Variants in HMBOX1 observed in about 807,000 individuals in gnomAD.
The protein encoded by HMBOX1 is homeobox containing 1, also known as homeobox-containing protein 1.
A neutral mutation model predicts 54.5 loss-of-function variants in HMBOX1; 14 were observed. That is an observed-to-expected ratio of 0.26 (90% CI 0.17 to 0.40). The LOEUF is 0.40. Ranked by LOEUF, HMBOX1 falls within the 10% of genes least tolerant of loss-of-function variation. The probability of loss-of-function intolerance (pLI) is 1.00; values close to 1 mark genes in which losing one functional copy is unlikely to be tolerated. For missense variants in HMBOX1, 332 were observed against 514.4 expected (o/e 0.65, Z 3.43); for synonymous variants, 160 against 181.0 (o/e 0.88, Z 0.93).
rs140115116 is a variant in HMBOX1, at chr8:29,039,912, G to T, written c.852-5449G>T. Among the ~76,000 whole-genome samples, 349 of 152,272 alleles carry T rather than the reference G, an allele frequency of 2.3e-3. 2 individuals carry two copies. Among genetic ancestry groups the T allele is most frequent in the Admixed American group, 3.5e-3 (53 of 15,290 alleles). ...AGCACTATCTCAGGCAAACCAGGGT[G>T]TATGACCACCCTTATGTAAGCCCTA... is the stretch of plus-strand genomic sequence containing the variant. On this transcript the variant is annotated intron_variant, in intron 6 of 9. Transcript: ENST00000287701.
chr8:28,916,425 A>C (rs991941001), intron 1 of HMBOX1, among the ~76,000 whole-genome samples: 5 of 152,136 alleles, frequency 3.3e-5, no homozygotes, highest in Non-Finnish European at 7.3e-5. Flanking sequence ...TTTGTTCTAG[A>C]AGTTTTATAT....
chr8:28,954,832 A>G (rs1586061525), intron 1 of HMBOX1, among the ~76,000 whole-genome samples: 1 of 152,268 alleles, frequency 6.6e-6, no homozygotes, highest in East Asian at 1.9e-4. Flanking sequence ...GGGGTGGGAG[A>G]CCAGCTTACC....
chr8:29,039,169 G>C (rs1804433511), intron 6 of HMBOX1, among the ~76,000 whole-genome samples: 1 of 152,066 alleles, frequency 6.6e-6, no homozygotes, highest in East Asian at 1.9e-4. Flanking sequence ...TTACATACCT[G>C]TATCTCCTGG....
chr8:28,998,145 T>C (rs1038891790), intron 4 of HMBOX1, among the ~76,000 whole-genome samples: 8 of 152,232 alleles, frequency 5.3e-5, no homozygotes, highest in Admixed American at 1.3e-4. Context: ...AGTTTTTTCC[T>C]ACAATTATGT....
intron 8 of HMBOX1, 98 bp from the exon 9 acceptor site, chr8:29,048,856 C>A: frequency 1.3e-6 from 1 of 775,878 alleles, no homozygotes; most frequent in Non-Finnish European, 2.1e-6. Flanking sequence ...TGTTTAATTA[C>A]ATTCTAATTA....
At chr8:28,986,864 T>TC (rs1830241518) in intron 4 of HMBOX1, among the ~76,000 whole-genome samples, 1 of 152,140 alleles carries the variant, frequency 6.6e-6, no homozygotes, top group Non-Finnish European at 1.5e-5. Context: ...TACTTTTTTT[T>TC]CCCCTCAGGA....
chr8:29,047,562 CT>C (rs1245416126), intron 8 of HMBOX1, 109 bp downstream of exon 8: 5 of 414,482 alleles, frequency 1.2e-5, no homozygotes, highest in African/African-American at 9.4e-5. Context: ...ATCCTAACTT[CT>C]CTTTTTTTTT....
chr8:28,993,861 G>A (rs1314293689), intron 4 of HMBOX1, among the ~76,000 whole-genome samples: 2 of 152,018 alleles, frequency 1.3e-5, no homozygotes, highest in African/African-American at 2.4e-5. Context: ...GAATAACTAA[G>A]AGATTGTTTA....
chr8:29,032,548 A>G (rs998231395), intron 6 of HMBOX1, among the ~76,000 whole-genome samples: 2 of 152,178 alleles, frequency 1.3e-5, no homozygotes, highest in African/African-American at 4.8e-5. Flanking sequence ...TCTTTAACTG[A>G]CTTCTATTAT....
chr8:28,962,029 C>T lies in HMBOX1; in HGVS notation c.-57-1782C>T, dbSNP rs1276832759. Among the ~76,000 whole-genome samples, 7 of 151,496 alleles carry T rather than the reference C, an allele frequency of 4.6e-5. No homozygotes were observed. In the East Asian group the frequency reaches 5.8e-4, roughly 13 times the overall value. ...CCTCAAGTAATCCTCCTGCCTCAAC[C>T]TCCTAAGTAGCTGGGATTACAGGTG... On this transcript the variant is annotated intron_variant, in intron 1 of 9. Coordinates refer to ENST00000287701, the MANE Select transcript of HMBOX1 (RefSeq NM_001135726.3).
At chr8:28,909,101 A>G (rs1158651947) in intron 1 of HMBOX1, among the ~76,000 whole-genome samples, 1 of 152,036 alleles carries the variant, frequency 6.6e-6, no homozygotes, top group Non-Finnish European at 1.5e-5. Context: ...TCTCTAAAAA[A>G]AAAAAAAAAA....
intron 1 of HMBOX1, among the ~76,000 whole-genome samples, chr8:28,907,160 A>G (rs1814500148): frequency 6.6e-6 from 1 of 152,230 alleles, no homozygotes. Flanking sequence ...GTAACCTTTT[A>G]AGGCAGTGTA....
At chr8:29,037,353 A>G (rs979101617) in intron 6 of HMBOX1, among the ~76,000 whole-genome samples, 3 of 152,188 alleles carry the variant, frequency 2.0e-5, no homozygotes, top group Admixed American at 2.0e-4. Context: ...ATTATTTAAG[A>G]ATAATTTTAA....
At chr8:28,956,665 AT>A (rs1194297025) in intron 1 of HMBOX1, among the ~76,000 whole-genome samples, 2 of 152,050 alleles carry the variant, frequency 1.3e-5, no homozygotes, top group African/African-American at 4.8e-5. Context: ...TGTCCTGCTC[AT>A]TTGTGTGTGC....
chr8:29,045,124 T>A (rs1370804117), intron 6 of HMBOX1, among the ~76,000 whole-genome samples: 1 of 152,192 alleles, frequency 6.6e-6, no homozygotes. Flanking sequence ...TAAATAAAAT[T>A]CAAATTCCAT....
intron 3 of HMBOX1, 43 bp from the exon 4 acceptor site, chr8:28,980,028 A>G (rs774733123): frequency 2.0e-5 from 28 of 1,389,958 alleles, no homozygotes; most frequent in South Asian, 1.3e-4. Context: ...GAGGATTTCT[A>G]CCTTCAACAT....
chr8:29,010,451 G>A (rs1253598727), intron 5 of HMBOX1, among the ~76,000 whole-genome samples: 1 of 152,072 alleles, frequency 6.6e-6, no homozygotes, highest in Non-Finnish European at 1.5e-5. Flanking sequence ...AGCTACTCGG[G>A]AGGTTAAGGC....
At chr8:28,896,708 A>C (rs949332282) in intron 1 of HMBOX1, among the ~76,000 whole-genome samples, 1 of 123,908 alleles carries the variant, frequency 8.1e-6, no homozygotes, top group African/African-American at 2.6e-5. Context: ...ATACAGTAAC[A>C]TGCTGTACAG....
chr8:28,890,929 C>T (rs1406389450), intron 1 of HMBOX1: 2 of 152,194 alleles, frequency 1.3e-5, no homozygotes, highest in Non-Finnish European at 2.9e-5. Context: ...CCCCCCAACT[C>T]TTCTGGTTTC....
Sources: gnomAD v4.1 joint callset for allele counts (sites outside exome capture counted in the v4.1 genomes callset) on GRCh38, gnomAD v4.1.1 for gene constraint, MANE v1.5 for transcripts, NCBI Gene and HGNC (gene_info 2026-07-23, HGNC 2026-07-21) for gene names.